Variants in SEPTIN7 observed in about 807,000 individuals in gnomAD.
The protein encoded by SEPTIN7 is septin-7.
Under a neutral mutation model 63.3 loss-of-function variants are expected in SEPTIN7, and 10 were observed. That is an observed-to-expected ratio of 0.16 (90% CI 0.10 to 0.27). The LOEUF (loss-of-function observed/expected upper bound fraction) is 0.27. Ranked by LOEUF, SEPTIN7 falls within the 10% of genes least tolerant of loss-of-function variation. SEPTIN7 has a pLI of 1.00. For missense variants in SEPTIN7, 310 were observed against 521.0 expected (o/e 0.59, Z 3.94); for synonymous variants, 131 against 165.3 (o/e 0.79, Z 1.59).
chr7:35,812,706 T>G (rs1788804374), intron 1 of SEPTIN7, among the ~76,000 whole-genome samples: 1 of 152,172 alleles, frequency 6.6e-6, no homozygotes, highest in South Asian at 2.1e-4. Flanking sequence ...CGTAGGGTAG[T>G]TTCCTCATTG....
chr7:35,802,631 T>A (rs1001167529), intron 1 of SEPTIN7, among the ~76,000 whole-genome samples: 19 of 152,264 alleles, frequency 1.2e-4, no homozygotes, highest in Admixed American at 5.9e-4. Flanking sequence ...CCCTAAAGTT[T>A]ATGTGCAGAC....
At chr7:35,829,512 T>A (rs1401471481) in intron 1 of SEPTIN7, among the ~76,000 whole-genome samples, 2 of 152,190 alleles carry the variant, frequency 1.3e-5, no homozygotes, top group Admixed American at 1.3e-4. Flanking sequence ...CAAAGACTGT[T>A]CTTGTTGCTA....
In SEPTIN7 at chr7:35,896,388, C is replaced by G. The variant is rs563664361; in HGVS notation, c.999-1860C>G. Among the ~76,000 whole-genome samples, 140 of 152,148 alleles carry G rather than the reference C, an allele frequency of 9.2e-4. 4 individuals are homozygous for G. The highest frequency in any genetic ancestry group is 7.3e-3 in the South Asian group (35 of 4,818). On this transcript the variant is annotated intron_variant, in intron 11 of 13. Coordinates refer to ENST00000350320, the MANE Select transcript of SEPTIN7 (RefSeq NM_001788.6). The stretch of plus-strand genomic sequence containing the variant: ...TTTTAGATTGTTTCTTTTTTAGAGA[C>G]TAAAAAAGATTTTTGGGGTGTTAGG...
intron 1 of SEPTIN7, among the ~76,000 whole-genome samples, chr7:35,829,496 G>A (rs758154837): frequency 1.4e-4 from 21 of 152,078 alleles, no homozygotes; most frequent in South Asian, 6.2e-4. Flanking sequence ...AAATAATACT[G>A]TGTGCCAAAG....
intron 11 of SEPTIN7, among the ~76,000 whole-genome samples, chr7:35,897,563 AATT>A (rs1160964786): frequency 6.6e-6 from 1 of 152,184 alleles, no homozygotes; most frequent in Non-Finnish European, 1.5e-5. Flanking sequence ...ATTTAAAAAT[AATT>A]ATTAACAAAA....
rs754620356 is a variant in SEPTIN7 at position 35,903,165 on chromosome 7, A to C, written c.1224A>C (p.Lys408Asn). 1 of 1,602,426 alleles carries C rather than the reference A, an allele frequency of 6.2e-7. No homozygotes were observed. Residue 408 changes from lysine (K) to asparagine (N), a missense_variant, in exon 13 of 14, where the codon AAA becomes AAC. Transcript: ENST00000350320. ...AACGTCGTCAGTTCGAGGATGAGAA[A>C]GCAAACTGGGAAGCTCAACAACGTA... ...EEKRRQFEDE[K>N]ANWEAQQRIL...
chr7:35,873,851 T>C, intron 6 of SEPTIN7, 76 bp downstream of exon 6: 1 of 1,391,122 alleles, frequency 7.2e-7, no homozygotes. Flanking sequence ...ACTTTAGTAA[T>C]CTTTAAGTTT....
intron 1 of SEPTIN7, among the ~76,000 whole-genome samples, chr7:35,816,008 T>C (rs182931709): frequency 6.6e-5 from 10 of 152,290 alleles, no homozygotes; most frequent in East Asian, 3.9e-4. Flanking sequence ...TGAGAAGATA[T>C]GTGTGAGAAA....
chr7:35,862,427 A>T (rs186787176), intron 3 of SEPTIN7, among the ~76,000 whole-genome samples: 1 of 152,210 alleles, frequency 6.6e-6, no homozygotes, highest in Admixed American at 6.5e-5. Flanking sequence ...TATATTTCCA[A>T]AAAGAAATAT....
intron 2 of SEPTIN7, chr7:35,831,959 C>T: frequency 3.2e-6 from 1 of 315,016 alleles, no homozygotes; most frequent in Non-Finnish European, 6.2e-6. Context: ...ATAAGACTGC[C>T]TCCAAAGTAA....
chr7:35,844,222 G>C (rs927130907), intron 3 of SEPTIN7, among the ~76,000 whole-genome samples: 1 of 152,110 alleles, frequency 6.6e-6, no homozygotes, highest in Admixed American at 6.5e-5. Context: ...TTGAATAAAG[G>C]TTATAGTAAT....
At chr7:35,865,339 C>T (rs542502318) in intron 4 of SEPTIN7, among the ~76,000 whole-genome samples, 29 of 152,288 alleles carry the variant, frequency 1.9e-4, no homozygotes, top group African/African-American at 7.0e-4. Context: ...AAGATACACA[C>T]CTTAACTGAC....
chr7:35,903,933 C>G (rs914398855), intron 13 of SEPTIN7, among the ~76,000 whole-genome samples: 1 of 152,002 alleles, frequency 6.6e-6, no homozygotes, highest in Non-Finnish European at 1.5e-5. Context: ...AAAAGAATAC[C>G]CTGTTTGCTG....
At chr7:35,884,073 C>A in intron 9 of SEPTIN7, 86 bp downstream of exon 9, 1 of 751,018 alleles carries the variant, frequency 1.3e-6, no homozygotes, top group Non-Finnish European at 2.3e-6. Flanking sequence ...ACAGTATGCA[C>A]ACTGTATTGA....
chr7:35,846,086 TAAGA>T (rs1334262418), intron 3 of SEPTIN7, among the ~76,000 whole-genome samples: 1 of 152,208 alleles, frequency 6.6e-6, no homozygotes, highest in East Asian at 1.9e-4. Flanking sequence ...TATGGCATTT[TAAGA>T]GAGAGGACAT....
intron 3 of SEPTIN7, among the ~76,000 whole-genome samples, chr7:35,835,405 T>C (rs1250668698): frequency 6.6e-6 from 1 of 152,164 alleles, no homozygotes; most frequent in Non-Finnish European, 1.5e-5. Flanking sequence ...TAACTTACGA[T>C]TCTTACAACA....
At chr7:35,887,320 A>G (rs1372085277) in intron 10 of SEPTIN7, among the ~76,000 whole-genome samples, 2 of 152,188 alleles carry the variant, frequency 1.3e-5, no homozygotes, top group African/African-American at 2.4e-5. Context: ...ACATACCTAA[A>G]ACACTGTAGA....
At chr7:35,893,538 ACTAT>A (rs1008233632) in intron 11 of SEPTIN7, among the ~76,000 whole-genome samples, 6 of 152,142 alleles carry the variant, frequency 3.9e-5, no homozygotes, top group Non-Finnish European at 7.4e-5. Flanking sequence ...AGTAGGTTAT[ACTAT>A]CTAAGGTTGT....
At chr7:35,888,481 C>A (rs1787416219) in intron 10 of SEPTIN7, among the ~76,000 whole-genome samples, 1 of 151,958 alleles carries the variant, frequency 6.6e-6, no homozygotes, top group African/African-American at 2.4e-5. Context: ...TCCTTAGGAC[C>A]TTTAACGATT....
Sources: gnomAD v4.1 joint callset for allele counts (sites outside exome capture counted in the v4.1 genomes callset) on GRCh38, gnomAD v4.1.1 for gene constraint, MANE v1.5 for transcripts, NCBI Gene and HGNC (gene_info 2026-07-23, HGNC 2026-07-21) for gene names.